The following RGS3 variants were observed in gnomAD, a reference collection of about 807,000 sequenced individuals.
RGS3 encodes regulator of G-protein signalling 3.
In RGS3, 80 loss-of-function variants were observed where a neutral mutation model predicts 132.6. The observed-to-expected ratio is 0.60, with a 90% confidence interval of 0.50 to 0.73. The LOEUF (loss-of-function observed/expected upper bound fraction) is 0.73, where lower values mean the gene tolerates loss of function less well. Among genes scored for constraint, RGS3 ranks in the 30% least tolerant of loss-of-function variants. RGS3 has a pLI of 0.00. For synonymous variants in RGS3, 598 were observed against 620.6 expected (o/e 0.96, Z 0.54); for missense variants, 1,382 against 1,530.8 (o/e 0.90, Z 1.62).
chr9:113,569,578 TTTCCTTCCTTCCTTCCTTCCTTCC>T (rs1226691424), intron 19 of RGS3, among the ~76,000 whole-genome samples: 15 of 88,958 alleles, frequency 1.7e-4, no homozygotes, highest in South Asian at 8.7e-4. Context: ...TCTTTCCTTC[TTTCCTTCCTTCCTTCCTTCCTTCC>T]TTCCTTCCTT....
rs756164616 is a variant in RGS3 at position 113,506,352 on chromosome 9, C to T, written c.980-36C>T. The T allele has an allele frequency of 6.9e-7, 1 of 1,449,984 alleles. No individual in the cohort carries two copies. The highest frequency in any genetic ancestry group is 1.2e-5 in the South Asian group (1 of 82,524). The allele number at this position is 1,449,984 out of a possible 1,614,324, so 89.8% of individuals were successfully genotyped here. ...GATCCTTTGAAGGGGTCTTAGGCTTCAGGGGCCCCTGAATGGCTTTTCTTT... is the reference window on the plus strand; with the variant it reads ...GATCCTTTGAAGGGGTCTTAGGCTTTAGGGGCCCCTGAATGGCTTTTCTTT... On this transcript the variant is annotated intron_variant, in intron 11 of 24. Transcript: ENST00000350696. The surrounding 1 kb of genome is among the most constrained non-coding windows in gnomAD (Gnocchi z 4.7).
At chr9:113,542,411 C>G (rs1307401231) in intron 19 of RGS3, among the ~76,000 whole-genome samples, 1 of 152,172 alleles carries the variant, frequency 6.6e-6, no homozygotes, top group Non-Finnish European at 1.5e-5. Flanking sequence ...TACATTTTTA[C>G]AAGATCCGTT....
chr9:113,488,802 C>T (rs1300198801), intron 7 of RGS3, among the ~76,000 whole-genome samples: 4 of 152,212 alleles, frequency 2.6e-5, no homozygotes, highest in East Asian at 1.9e-4. Flanking sequence ...GTGAGCAGCA[C>T]GCAGGCCGGC....
At chr9:113,460,767 G>T (rs936919051) in intron 1 of RGS3, among the ~76,000 whole-genome samples, 5 of 151,818 alleles carry the variant, frequency 3.3e-5, no homozygotes, top group African/African-American at 1.2e-4. Context: ...GTTATTATTG[G>T]GCTAGATGAT....
intron 20 of RGS3, among the ~76,000 whole-genome samples, chr9:113,590,663 C>A (rs909380356): frequency 3.3e-5 from 5 of 152,024 alleles, no homozygotes. Context: ...GAGATGAAGA[C>A]CTTCTGTTGG....
At chr9:113,566,009 C>T (rs1273240648) in intron 19 of RGS3, among the ~76,000 whole-genome samples, 1 of 151,844 alleles carries the variant, frequency 6.6e-6, no homozygotes, top group Non-Finnish European at 1.5e-5. Context: ...GCTGGACAGC[C>T]AGCTTTTCTT....
intron 19 of RGS3, among the ~76,000 whole-genome samples, chr9:113,554,276 C>T (rs914731167): frequency 5.3e-5 from 8 of 152,166 alleles, no homozygotes; most frequent in African/African-American, 1.7e-4. Context: ...TCTTAATTGA[C>T]ATTTATTTCA....
Position 113,570,963 on chromosome 9 carries a change from C to T in RGS3, c.2038-12487C>T, listed in dbSNP as rs546317359. Among the ~76,000 whole-genome samples, 207 of 152,290 alleles carry T rather than the reference C, an allele frequency of 1.4e-3. 1 individual carries two copies. The highest frequency in any genetic ancestry group is 4.5e-3 in the African/African-American group (188 of 41,550). On this transcript the variant is annotated intron_variant, in intron 19 of 24. Transcript: ENST00000350696. ...TGTCCTGACTTCTCTCATCGATGAGCGTAGCCTATCCTTGAATTTTGTGTA... is the reference window on the plus strand; with the variant it reads ...TGTCCTGACTTCTCTCATCGATGAGTGTAGCCTATCCTTGAATTTTGTGTA...
chr9:113,517,191 G>A (rs1831714531), intron 15 of RGS3: 7 of 488,918 alleles, frequency 1.4e-5, no homozygotes, highest in South Asian at 9.3e-5. Context: ...ATGGGGGATG[G>A]CGGGGGCTGG....
At chr9:113,582,357 C>A in intron 19 of RGS3, 1 of 313,266 alleles carries the variant, frequency 3.2e-6, no homozygotes, top group Non-Finnish European at 4.6e-6. Flanking sequence ...AAGTTTTCTG[C>A]CAGTGTGCGC....
At chr9:113,522,830 C>T (rs1423854793) in intron 16 of RGS3, 100 bp from the exon 15 acceptor site, 2 of 785,534 alleles carry the variant, frequency 2.5e-6, no homozygotes, top group Non-Finnish European at 4.6e-6. Context: ...GATGCATTAT[C>T]TGGGGAGGCT....
At chr9:113,576,545 T>A (rs1243805048) in intron 19 of RGS3, among the ~76,000 whole-genome samples, 1 of 152,178 alleles carries the variant, frequency 6.6e-6, no homozygotes, top group African/African-American at 2.4e-5. Context: ...TTGGCCAGTA[T>A]GGTCTCGATC....
intron 20 of RGS3, among the ~76,000 whole-genome samples, chr9:113,588,093 C>G (rs1209661438): frequency 6.6e-6 from 1 of 152,218 alleles, no homozygotes; most frequent in East Asian, 1.9e-4. Context: ...GAGGAGACCA[C>G]AGGCTGCAGC....
At position 113,487,121 on chromosome 9, in the gene RGS3, T is replaced by C. The variant is rs1830356927; in HGVS notation, c.689+1428T>C. On this transcript the variant is annotated intron_variant, in intron 7 of 24. Transcript: ENST00000350696. Reference sequence around the variant, plus strand: ...AATTCTTTTTTTTTTTTTTTTTTTTTTGAGACGGAGTCTCGCTCTGTCGCC... The same window carrying C: ...AATTCTTTTTTTTTTTTTTTTTTTTCTGAGACGGAGTCTCGCTCTGTCGCC... Among the ~76,000 whole-genome samples the C allele has an allele frequency of 5.4e-5, 8 of 148,486 alleles. No individual in the cohort carries two copies. The South Asian group carries it at 1.5e-3, about 28-fold the overall frequency.
chr9:113,510,631 C>T (rs1304637341), intron 14 of RGS3, among the ~76,000 whole-genome samples: 1 of 152,152 alleles, frequency 6.6e-6, no homozygotes, highest in East Asian at 1.9e-4. Flanking sequence ...CTGTGTCTCC[C>T]TTCTGTGCTC....
intron 1 of RGS3, chr9:113,445,018 AC>A (rs1451504485): frequency 6.6e-6 from 1 of 152,036 alleles, no homozygotes; most frequent in Admixed American, 6.6e-5. Flanking sequence ...TTGGAGATTC[AC>A]TTTACTTATT....
At chr9:113,541,334 C>T (rs201201135) in intron 19 of RGS3, 35 of 1,613,300 alleles carry the variant, frequency 2.2e-5, no homozygotes, top group Admixed American at 1.3e-4. Flanking sequence ...TCCACCCTTT[C>T]GGCTCTCTCC....
rs145756832 is a variant in RGS3 at position 113,556,396 on chromosome 9, A to AAAT, written c.2037+19497_2037+19499dup. On this transcript the variant is annotated intron_variant, in intron 19 of 24. Transcript: ENST00000350696. The stretch of plus-strand genomic sequence containing the variant: ...CTCCTCTTTCTGGACTTCCTACTAC[A>AAAT]AATAATAATAATAATAATAATGGTG... Among the ~76,000 whole-genome samples, 692 of 151,722 alleles carry AAAT rather than the reference A, an allele frequency of 4.6e-3. 7 individuals carry two copies. Among genetic ancestry groups the AAAT allele is most frequent in the African/African-American group, 0.015 (615 of 41,406 alleles).
At chr9:113,516,150 T>C (rs1456351244) in intron 15 of RGS3, among the ~76,000 whole-genome samples, 2 of 152,210 alleles carry the variant, frequency 1.3e-5, no homozygotes, top group African/African-American at 4.8e-5. Flanking sequence ...TGCCTGTGCC[T>C]CTCTGGTCTC....
Sources: allele counts gnomAD v4.1 joint callset (sites outside exome capture counted in the v4.1 genomes callset), GRCh38; gene constraint gnomAD v4.1.1; non-coding constraint Gnocchi (gnomAD v3.1); transcripts MANE v1.5; gene names NCBI Gene and HGNC (gene_info 2026-07-23, HGNC 2026-07-21).